Variants in RIC1 observed in about 807,000 individuals in gnomAD.
RIC1 encodes RIC1 partner of RAB6A GEF complex.
A neutral mutation model predicts 169.0 loss-of-function variants in RIC1; 88 were observed. The observed-to-expected ratio is 0.52, with a 90% CI of 0.44 to 0.62. The LOEUF is 0.62. RIC1 is among the 20% of genes least tolerant of loss of function. The probability of loss-of-function intolerance (pLI) is 0.00; values close to 1 mark genes in which losing one functional copy is unlikely to be tolerated. For missense variants in RIC1, 1,877 were observed against 1,725.5 expected, an observed-to-expected ratio of 1.09 and a Z score of -1.56; for synonymous variants, 790 against 601.5, an observed-to-expected ratio of 1.31 and a Z score of -4.59.
chr9:5,660,814 C>T (rs2130486326), intron 2 of RIC1, among the ~76,000 whole-genome samples: 1 of 152,112 alleles, frequency 6.6e-6, no homozygotes, highest in East Asian at 1.9e-4. Flanking sequence ...CTGCTCACTC[C>T]AATGATAGTT....
intron 17 of RIC1, among the ~76,000 whole-genome samples, chr9:5,759,542 C>G (rs898785043): frequency 5.3e-5 from 8 of 152,278 alleles, no homozygotes; most frequent in Admixed American, 4.6e-4. Context: ...AGAACCAAGT[C>G]AGTAAGCTCA....
downstream of RIC1, among the ~76,000 whole-genome samples, chr9:5,777,266 A>C (rs891892835): frequency 6.7e-6 from 1 of 149,888 alleles, no homozygotes; most frequent in African/African-American, 2.4e-5. Flanking sequence ...CTATTTCTTC[A>C]TTCTGTGGGC....
intron 3 of RIC1, among the ~76,000 whole-genome samples, chr9:5,712,176 G>C (rs1388511162): frequency 6.6e-6 from 1 of 152,166 alleles, no homozygotes; most frequent in Non-Finnish European, 1.5e-5. Context: ...AGTTGAACTA[G>C]TTTGCAGTCC....
intron 6 of RIC1, among the ~76,000 whole-genome samples, chr9:5,729,612 C>T (rs1215312343): frequency 6.6e-6 from 1 of 152,038 alleles, no homozygotes. Flanking sequence ...TTTTAGGAGT[C>T]CAAGAAGCTA....
At position 5,629,429 on chromosome 9, in the gene RIC1, C is replaced by G; in HGVS notation, c.120C>G (p.Ala40=). ...CTTTCTTCGCCGTGCTGGCCGCGGC[C>G]CGCCTCAGCATCTGGTACAGCCGAG... ...QRAFFAVLAA[A]RLSIWYSRPS... Residue 40 remains alanine, a synonymous_variant, in exon 1 of 26, where the codon GCC becomes GCG. Transcript: ENST00000414202. 2.0e-6 allele frequency: 3 copies of G among 1,533,812 alleles called. No individual in the cohort carries two copies. Among genetic ancestry groups the G allele is most frequent in the Non-Finnish European group, 2.6e-6 (3 of 1,146,028 alleles).
At chr9:5,643,875 TTAC>T (rs1818373644) in intron 1 of RIC1, among the ~76,000 whole-genome samples, 1 of 152,238 alleles carries the variant, frequency 6.6e-6, no homozygotes, top group African/African-American at 2.4e-5. Flanking sequence ...TTCAGATTTC[TTAC>T]TCATGAGCAG....
In RIC1 at chr9:5,629,320, T is replaced by A. The variant is rs1239900166; in HGVS notation, c.11T>A (p.Leu4Gln). The stretch of plus-strand genomic sequence containing the variant: ...GGCTCCGCACGGACCATGTATTTTC[T>A]GAGCGGCTGGCCCAAGAGGCTGCTG... Reference protein sequence around the residue: MYFLSGWPKRLLCP... With the variant: MYFQSGWPKRLLCP... Residue 4 changes from leucine to glutamine, a missense_variant, in exon 1 of 26, where the codon CTG becomes CAG. By Grantham distance (113) the Leu-to-Gln change is moderately radical. Transcript: ENST00000414202. 1 of 1,523,980 alleles carries A rather than the reference T, an allele frequency of 6.6e-7. No individual in the cohort carries two copies. The highest frequency in any genetic ancestry group is 8.8e-7 in the Non-Finnish European group (1 of 1,142,270). 94.4% of individuals were successfully genotyped at this position (1,523,980 alleles called of 1,614,324 possible).
At chr9:5,670,859 G>C (rs1461112823) in intron 2 of RIC1, among the ~76,000 whole-genome samples, 1 of 152,158 alleles carries the variant, frequency 6.6e-6, no homozygotes, top group Non-Finnish European at 1.5e-5. Flanking sequence ...GTTTGGTGGG[G>C]CAGGGAATGG....
chr9:5,729,016 C>T (rs955931692), intron 6 of RIC1, among the ~76,000 whole-genome samples: 1 of 152,152 alleles, frequency 6.6e-6, no homozygotes, highest in African/African-American at 2.4e-5. Flanking sequence ...CTCTGTCCCT[C>T]CCTTCTGCTC....
chr9:5,635,358 A>T (rs77649581), intron 1 of RIC1, among the ~76,000 whole-genome samples: 266 of 152,228 alleles, frequency 1.7e-3, no homozygotes, highest in African/African-American at 6.3e-3. Context: ...TTGAGTTGAT[A>T]GTGTAAGATA....
At chr9:5,710,242 G>C (rs558140538) in intron 3 of RIC1, among the ~76,000 whole-genome samples, 5 of 152,294 alleles carry the variant, frequency 3.3e-5, no homozygotes, top group African/African-American at 1.2e-4. Context: ...TCAACATAGA[G>C]ATTGCTTGAA....
intron 2 of RIC1, among the ~76,000 whole-genome samples, chr9:5,667,633 A>G (rs1819854972): frequency 6.6e-6 from 1 of 151,190 alleles, no homozygotes; most frequent in Non-Finnish European, 1.5e-5. Flanking sequence ...CCTCCCTAGT[A>G]GCTGGGACCA....
chr9:5,744,691 T>C (rs568167763), intron 10 of RIC1, among the ~76,000 whole-genome samples: 28 of 152,150 alleles, frequency 1.8e-4, no homozygotes, highest in Non-Finnish European at 3.4e-4. Context: ...ATTTTTTTAC[T>C]GTGGTGTCAT....
intron 1 of RIC1, among the ~76,000 whole-genome samples, chr9:5,629,821 C>T (rs1051866937): frequency 5.3e-5 from 8 of 152,224 alleles, no homozygotes; most frequent in African/African-American, 1.7e-4. Context: ...ATTAGAAATC[C>T]GGCCGCTGTG....
intron 6 of RIC1, among the ~76,000 whole-genome samples, chr9:5,724,858 G>T (rs192134560): frequency 1.3e-4 from 20 of 152,056 alleles, no homozygotes; most frequent in African/African-American, 4.6e-4. Flanking sequence ...CTGTATTACC[G>T]TTATTGATTT....
intron 3 of RIC1, among the ~76,000 whole-genome samples, chr9:5,707,579 T>C (rs1822667842): frequency 6.6e-6 from 1 of 152,152 alleles, no homozygotes; most frequent in Non-Finnish European, 1.5e-5. Context: ...TTTATAGGTG[T>C]GGTATCTTCT....
intron 4 of RIC1, among the ~76,000 whole-genome samples, chr9:5,715,367 G>A (rs1823170044): frequency 6.6e-6 from 1 of 152,130 alleles, no homozygotes; most frequent in Admixed American, 6.5e-5. Flanking sequence ...AAACAATTCT[G>A]CCATCTTGTC....
intron 3 of RIC1, 108 bp from the exon 4 acceptor site, chr9:5,713,788 C>A: frequency 1.6e-6 from 1 of 617,094 alleles, no homozygotes; most frequent in South Asian, 2.6e-5. Context: ...AGGATGAATA[C>A]CTGATTTGTA....
At chr9:5,689,856 G>A (rs1563903052) in intron 2 of RIC1, 103 bp from the exon 3 acceptor site, 5 of 725,134 alleles carry the variant, frequency 6.9e-6, no homozygotes, top group Middle Eastern at 3.7e-4. Flanking sequence ...GAGGGTATTG[G>A]AGAATAAATT....
Sources: allele counts gnomAD v4.1 joint callset (sites outside exome capture counted in the v4.1 genomes callset), GRCh38; gene constraint gnomAD v4.1.1; transcripts MANE v1.5; gene names NCBI Gene and HGNC (gene_info 2026-07-23, HGNC 2026-07-21).